Variants in RNF19A observed in about 807,000 individuals in gnomAD.
The protein encoded by RNF19A is ring finger protein 19A, RBR E3 ubiquitin protein ligase.
In RNF19A, 32 loss-of-function variants were observed where a neutral mutation model predicts 75.7. The ratio of observed to expected loss-of-function variants is 0.42; its 90% CI spans 0.32 to 0.57. RNF19A has a LOEUF of 0.57. RNF19A is among the 20% of genes least tolerant of loss of function. The probability of loss-of-function intolerance (pLI) is 0.10; values close to 1 mark genes in which losing one functional copy is unlikely to be tolerated. For synonymous variants in RNF19A, 335 were observed against 345.2 expected, an observed-to-expected ratio of 0.97 and a Z score of 0.33; for missense variants, 782 against 1,036.3, an observed-to-expected ratio of 0.75 and a Z score of 3.37.
chr8:100,265,298 T>C (rs988608113), intron 5 of RNF19A, among the ~76,000 whole-genome samples: 3 of 152,198 alleles, frequency 2.0e-5, no homozygotes, highest in African/African-American at 7.2e-5. Context: ...CTCAGATCCT[T>C]TTTATGAAGA....
chr8:100,310,718 G>T (rs759741679), upstream of RNF19A, among the ~76,000 whole-genome samples: 15 of 151,980 alleles, frequency 9.9e-5, no homozygotes, highest in Non-Finnish European at 1.9e-4. Flanking sequence ...GCAAGCCTAC[G>T]TGAGGGTTTG....
chr8:100,334,723 G>C (rs966305262), intron 1 of RNF19A, among the ~76,000 whole-genome samples: 1 of 152,178 alleles, frequency 6.6e-6, no homozygotes, highest in Non-Finnish European at 1.5e-5. Flanking sequence ...CCGCTGGCGT[G>C]CACCCATTCA....
At chr8:100,289,449 G>A (rs1389402782) in intron 1 of RNF19A, among the ~76,000 whole-genome samples, 1 of 152,152 alleles carries the variant, frequency 6.6e-6, no homozygotes, top group Admixed American at 6.5e-5. Flanking sequence ...CCCAGACTAT[G>A]TAAAGAATGC....
At chr8:100,271,486 T>C (rs1353378271) in intron 3 of RNF19A, among the ~76,000 whole-genome samples, 1 of 152,212 alleles carries the variant, frequency 6.6e-6, no homozygotes, top group Non-Finnish European at 1.5e-5. Flanking sequence ...TTCCAGAGTA[T>C]GCTCAAGTAG....
Position 100,268,867 on chromosome 8 carries a change from C to T in RNF19A, c.1109G>A (p.Gly370Asp). 6.2e-7 allele frequency: 1 copy of T among 1,605,772 alleles called. No homozygotes were observed. Among genetic ancestry groups the T allele is most frequent in the Non-Finnish European group, 8.5e-7 (1 of 1,175,116 alleles). ...KILWQLGTLVGAPVGIALIAG... is the reference protein window; with the variant it reads ...KILWQLGTLVDAPVGIALIAG... ...TATTAAAGCGATTCCGACAGGAGCA[C>T]CAACCAGTGTTCCCAGTTGCCACAA... is the stretch of plus-strand genomic sequence containing the variant. The change falls in exon 5 of 10, where the codon GGT becomes GAT. Residue 370 changes from glycine to aspartate, a missense_variant. Transcript: ENST00000341084.
chr8:100,287,610 G>C lies in RNF19A; in HGVS notation c.565C>G (p.Arg189Gly), dbSNP rs770688162. Residue 189 changes from arginine (R) to glycine (G), a missense_variant, in exon 2 of 10, where the codon CGC becomes GGC. Physicochemically the swap from Arg to Gly is moderately radical, Grantham distance 125. Coordinates refer to ENST00000341084, the MANE Select transcript of RNF19A (RefSeq NM_183419.4). The surrounding 1 kb of genome is among the most constrained non-coding windows in gnomAD (Gnocchi z 4.1). ...AAGACATCATCACTTAATATCAAGC[G>C]AATATCATGGGGATTAAACCGTTCA... The part of the protein sequence containing the change: ...CTERFNPHDI[R>G]LILSDDVLME... 1.9e-6 allele frequency: 3 copies of C among 1,613,860 alleles called. No homozygotes were observed. The African/African-American group carries it at 4.0e-5, about 22-fold the overall frequency.
intron 3 of RNF19A, among the ~76,000 whole-genome samples, chr8:100,273,391 A>G (rs1820352517): frequency 6.6e-6 from 1 of 152,194 alleles, no homozygotes; most frequent in African/African-American, 2.4e-5. Flanking sequence ...CCAACCTGGT[A>G]TGATACTCTA....
intron 1 of RNF19A, chr8:100,300,795 A>G (rs1821787962): frequency 6.6e-6 from 1 of 152,240 alleles, no homozygotes. Context: ...TAATCCAAAG[A>G]CTAATTTGAA....
chr8:100,272,699 A>G (rs969863832), intron 3 of RNF19A, among the ~76,000 whole-genome samples: 1 of 152,054 alleles, frequency 6.6e-6, no homozygotes. Flanking sequence ...GCACACCACC[A>G]CGCCTGGCTA....
chr8:100,319,551 A>G (rs1170050301), intron 1 of RNF19A, among the ~76,000 whole-genome samples: 1 of 130,416 alleles, frequency 7.7e-6, no homozygotes, highest in Non-Finnish European at 1.6e-5. Context: ...TTTTTTTGAG[A>G]CAGAGTCTCA....
intron 2 of RNF19A, among the ~76,000 whole-genome samples, chr8:100,278,674 A>T (rs1820636711): frequency 6.6e-6 from 1 of 152,198 alleles, no homozygotes. Context: ...TAGATTACAT[A>T]TAATTCTAAC....
intron 1 of RNF19A, among the ~76,000 whole-genome samples, chr8:100,304,120 G>T (rs972846388): frequency 5.0e-4 from 76 of 151,786 alleles, no homozygotes; most frequent in African/African-American, 1.7e-3. Flanking sequence ...CCATACCTAG[G>T]TAAATTTTTT....
intron 1 of RNF19A, among the ~76,000 whole-genome samples, chr8:100,334,913 T>C (rs1822657097): frequency 6.6e-6 from 1 of 152,198 alleles, no homozygotes; most frequent in African/African-American, 2.4e-5. Flanking sequence ...TGCCTTTCAG[T>C]CTAGGCACCA....
chr8:100,312,894 C>A (rs1822321872), upstream of RNF19A, among the ~76,000 whole-genome samples: 1 of 152,204 alleles, frequency 6.6e-6, no homozygotes. Context: ...TGCACTCCAG[C>A]CTGGGCAATA....
intron 1 of RNF19A, 45 bp downstream of exon 1, chr8:100,309,822 C>T (rs912593228): frequency 2.0e-6 from 2 of 985,510 alleles, no homozygotes; most frequent in African/African-American, 3.5e-5. Flanking sequence ...GCCGCCCCTT[C>T]TCTCCCGCTC....
intron 3 of RNF19A, among the ~76,000 whole-genome samples, chr8:100,270,432 C>G (rs750702423): frequency 1.6e-4 from 25 of 152,172 alleles, no homozygotes; most frequent in Middle Eastern, 3.4e-3. Context: ...GTACACTATT[C>G]CTTTAGTGAA....
upstream of RNF19A, chr8:100,310,222 G>C: frequency 1.0e-6 from 1 of 985,190 alleles, no homozygotes; most frequent in Non-Finnish European, 1.2e-6. Flanking sequence ...CGCCCACCGG[G>C]CCCGCTGCGG....
chr8:100,309,581 G>A (rs954046618), intron 1 of RNF19A: 3 of 974,796 alleles, frequency 3.1e-6, no homozygotes, highest in African/African-American at 3.5e-5. Flanking sequence ...AGGGCTTGGG[G>A]CGGATCCCAC....
At chr8:100,276,915 T>C (rs1311621819) in intron 2 of RNF19A, among the ~76,000 whole-genome samples, 1 of 152,086 alleles carries the variant, frequency 6.6e-6, no homozygotes, top group African/African-American at 2.4e-5. Flanking sequence ...AGATTGTGTC[T>C]ATGCCAATAT....
Sources: allele counts gnomAD v4.1 joint callset (sites outside exome capture counted in the v4.1 genomes callset), GRCh38; gene constraint gnomAD v4.1.1; non-coding constraint Gnocchi (gnomAD v3.1); transcripts MANE v1.5; gene names NCBI Gene and HGNC (gene_info 2026-07-23, HGNC 2026-07-21).